The following YBEY variants were observed in gnomAD, a reference collection of about 807,000 sequenced individuals.
YBEY encodes ybeY metalloendoribonuclease.
YBEY carries 15 observed loss-of-function variants against 13.5 expected under a neutral mutation model. The observed-to-expected ratio is 1.11, with a 90% CI of 0.75 to 1.72. The LOEUF (loss-of-function observed/expected upper bound fraction) is 1.72. Ranked by LOEUF, YBEY falls within the 40% of genes most tolerant of loss-of-function variation. The pLI is 0.00. For missense variants in YBEY, 244 were observed against 208.4 expected, an observed-to-expected ratio of 1.17 and a Z score of -1.05; for synonymous variants, 101 against 83.1, an observed-to-expected ratio of 1.21 and a Z score of -1.17.
In YBEY at chr21:46,286,958, G is replaced by A. The variant is rs1036520237; in HGVS notation, c.45G>A (p.Arg15=). 19 of 1,614,100 alleles carry A rather than the reference G, an allele frequency of 1.2e-5. No homozygotes were observed. Among genetic ancestry groups the A allele is most frequent in the Non-Finnish European group, 1.6e-5 (19 of 1,180,024 alleles). ...ATCTGCAGCGAGTCATCCCCATCAG[G>A]AGAGCGCCACTTCGCAGTAAGATCG... ...IRNLQRVIPI[R]RAPLRSKIEI... The change falls in exon 2 of 5, where the codon AGG becomes AGA. Residue 15 remains arginine, a synonymous_variant. Coordinates refer to ENST00000397701, the MANE Select transcript of YBEY (RefSeq NM_001314025.2).
chr21:46,313,048 G>A, the YBEY span: 1 of 985,326 alleles, frequency 1.0e-6, no homozygotes, highest in Admixed American at 6.2e-5. Flanking sequence ...TCAGTTCACA[G>A]AAAGGACGGC....
At chr21:46,292,567 TC>T (rs1390287466) in intron 3 of YBEY, among the ~76,000 whole-genome samples, 2 of 139,526 alleles carry the variant, frequency 1.4e-5, no homozygotes, top group Non-Finnish European at 3.2e-5. Flanking sequence ...CAAGTTAAAC[TC>T]TAGATTAAAT....
chr21:46,295,256 C>A (rs2081912164), intron 3 of YBEY, among the ~76,000 whole-genome samples: 1 of 152,040 alleles, frequency 6.6e-6, no homozygotes, highest in Non-Finnish European at 1.5e-5. Context: ...TCCTCATAGC[C>A]ACAGGCCAGG....
At chr21:46,292,842 AGTCAGCCACGCAAGTTAAACTCTAG>A in intron 3 of YBEY, among the ~76,000 whole-genome samples, 1 of 123,660 alleles carries the variant, frequency 8.1e-6, no homozygotes, top group African/African-American at 2.8e-5. Flanking sequence ...GACTCAGTGG[AGTCAGCCACGCAAGTTAAACTCTAG>A]ATTAAATTCC....
At chr21:46,290,951 A>G (rs2081674685) in intron 2 of YBEY, among the ~76,000 whole-genome samples, 1 of 150,194 alleles carries the variant, frequency 6.7e-6, no homozygotes, top group African/African-American at 2.4e-5. Flanking sequence ...AGGCTGAGGC[A>G]GGAGAATTGC....
At chr21:46,298,671 C>T (rs2082032786), downstream of YBEY, among the ~76,000 whole-genome samples, 2 of 151,712 alleles carry the variant, frequency 1.3e-5, no homozygotes. Flanking sequence ...CCTCGTGATC[C>T]GCCCACCTCG....
intron 1 of YBEY, 180 bp from the exon 2 acceptor site, chr21:46,286,690 A>C: frequency 2.8e-6 from 1 of 357,590 alleles, no homozygotes; most frequent in Non-Finnish European, 5.0e-6. Flanking sequence ...TTCTGGCCGG[A>C]TTCCGCGGCA....
chr21:46,290,044 G>A (rs1010575106), intron 2 of YBEY, among the ~76,000 whole-genome samples: 4 of 150,564 alleles, frequency 2.7e-5, no homozygotes, highest in Non-Finnish European at 5.9e-5. Context: ...TGTGTGTAAG[G>A]TTGTCATAGC....
chr21:46,289,108 C>T (rs1216769388), intron 2 of YBEY, among the ~76,000 whole-genome samples: 1 of 152,210 alleles, frequency 6.6e-6, no homozygotes, highest in Non-Finnish European at 1.5e-5. Flanking sequence ...TTAGTGTGAA[C>T]AGTCCTTAAC....
chr21:46,296,364 GAC>G lies in YBEY; in HGVS notation c.408+138_408+139del, dbSNP rs2081952154. 6 of 938,728 alleles carry G rather than the reference GAC, an allele frequency of 6.4e-6. No homozygotes were observed. In the East Asian group the frequency reaches 1.3e-4, roughly 20 times the overall value. 58.1% of individuals were successfully genotyped at this position (938,728 alleles called of 1,614,324 possible). A position where few individuals can be genotyped will look rare whatever the true frequency, so the allele number is the denominator to read the frequency against. On this transcript the variant is annotated intron_variant, in intron 4 of 4. Coordinates refer to ENST00000397701, the MANE Select transcript of YBEY (RefSeq NM_001314025.2). ...ACCTCAGACCTGCCCTTGTAAAAAT[GAC>G]ACAGATGTTTGCTTTCAACACCGGG...
At chr21:46,295,020 G>A (rs1320232305) in intron 3 of YBEY, among the ~76,000 whole-genome samples, 1 of 152,184 alleles carries the variant, frequency 6.6e-6, no homozygotes, top group South Asian at 2.1e-4. Flanking sequence ...GGAAGAGGGA[G>A]TTTCTGAGAG....
chr21:46,301,888 G>A (rs112580445), downstream of YBEY: 2,301 of 1,334,910 alleles, frequency 1.7e-3, 36 homozygotes, highest in African/African-American at 0.029. Context: ...TAGCCACTCC[G>A]GGTGGTGGCA....
chr21:46,295,396 A>G (rs1157059355), intron 3 of YBEY, among the ~76,000 whole-genome samples: 1 of 150,546 alleles, frequency 6.6e-6, no homozygotes, highest in Non-Finnish European at 1.5e-5. Context: ...CTCCACCCAA[A>G]CCCCAGGGGA....
At chr21:46,290,724 T>C (rs1470432271) in intron 2 of YBEY, among the ~76,000 whole-genome samples, 1 of 147,248 alleles carries the variant, frequency 6.8e-6, no homozygotes, top group African/African-American at 2.5e-5. Flanking sequence ...GCCTGACCCA[T>C]ATGATGAAAC....
chr21:46,289,181 C>G (rs2839200), intron 2 of YBEY, among the ~76,000 whole-genome samples: 3 of 151,832 alleles, frequency 2.0e-5, no homozygotes, highest in Non-Finnish European at 2.9e-5. Context: ...GGACAAAATA[C>G]CAAGTGGAAA....
At chr21:46,307,053 A>G in the YBEY span, among the ~76,000 whole-genome samples, 2 of 149,586 alleles carry the variant, frequency 1.3e-5, no homozygotes, top group African/African-American at 5.0e-5. Context: ...CCACCACCAC[A>G]CCTGGCTGAT....
At chr21:46,288,027 A>G (rs2081535001) in intron 2 of YBEY, among the ~76,000 whole-genome samples, 1 of 150,152 alleles carries the variant, frequency 6.7e-6, no homozygotes, top group South Asian at 2.1e-4. Flanking sequence ...AAAAAAAAAG[A>G]AAAGAAAAAG....
downstream of YBEY, chr21:46,301,455 G>A (rs987899738): frequency 2.1e-6 from 2 of 960,346 alleles, no homozygotes; most frequent in Non-Finnish European, 1.2e-6. Flanking sequence ...CTTCTTTAGT[G>A]GGAGTCTGTG....
At chr21:46,301,527 C>T (rs926796940), downstream of YBEY, 98 of 985,948 alleles carry the variant, frequency 9.9e-5, no homozygotes, top group Admixed American at 5.5e-4. Flanking sequence ...TTTTCCCCAT[C>T]AGGATGTTCA....
Sources: gnomAD v4.1 joint callset for allele counts (sites outside exome capture counted in the v4.1 genomes callset) on GRCh38, gnomAD v4.1.1 for gene constraint, MANE v1.5 for transcripts, NCBI Gene and HGNC (gene_info 2026-07-23, HGNC 2026-07-21) for gene names.